The following THEMIS variants were observed in gnomAD, a reference collection of about 807,000 sequenced individuals.
THEMIS encodes the protein protein THEMIS.
In THEMIS, 37 loss-of-function variants were observed where a neutral mutation model predicts 52.6. The ratio of observed to expected loss-of-function variants is 0.70; its 90% CI spans 0.54 to 0.93. THEMIS has a LOEUF of 0.93. Ranked by LOEUF, THEMIS falls within the 40% of genes least tolerant of loss-of-function variation. THEMIS has a pLI of 0.00. For missense variants in THEMIS, 808 were observed against 763.1 expected, an observed-to-expected ratio of 1.06 and a Z score of -0.69; for synonymous variants, 292 against 272.7, an observed-to-expected ratio of 1.07 and a Z score of -0.70.
chr6:127,759,840 C>T (rs986430924), intron 4 of THEMIS, among the ~76,000 whole-genome samples: 2 of 121,156 alleles, frequency 1.7e-5, no homozygotes, highest in Admixed American at 1.6e-4. Context: ...CCCTCCCTCC[C>T]TCCCTCCCTC....
chr6:127,815,035 C>T (rs575918184), intron 3 of THEMIS, among the ~76,000 whole-genome samples: 19 of 152,150 alleles, frequency 1.2e-4, no homozygotes, highest in Non-Finnish European at 2.4e-4. Flanking sequence ...TGGCATGTCC[C>T]AGCTACTCAG....
intron 4 of THEMIS, among the ~76,000 whole-genome samples, chr6:127,750,267 C>G (rs1775592161): frequency 6.6e-6 from 1 of 151,008 alleles, no homozygotes; most frequent in South Asian, 2.1e-4. Context: ...TTGAGTGCAA[C>G]AAAAAACAAG....
chr6:127,820,246 C>G (rs1046860575), intron 3 of THEMIS, among the ~76,000 whole-genome samples: 4 of 151,862 alleles, frequency 2.6e-5, no homozygotes, highest in African/African-American at 9.7e-5. Context: ...GGAAAAATAG[C>G]ATATTTAATT....
intron 2 of THEMIS, among the ~76,000 whole-genome samples, chr6:127,848,855 T>G (rs2114259551): frequency 6.6e-6 from 1 of 152,282 alleles, no homozygotes; most frequent in East Asian, 1.9e-4. Flanking sequence ...ATTGCAAAAA[T>G]TTCCTCCCAT....
chr6:127,819,975 C>T (rs890930320), intron 3 of THEMIS, among the ~76,000 whole-genome samples: 1 of 151,940 alleles, frequency 6.6e-6, no homozygotes, highest in Non-Finnish European at 1.5e-5. Flanking sequence ...TTATAGCACA[C>T]AGATAAGTGA....
intron 3 of THEMIS, among the ~76,000 whole-genome samples, chr6:127,821,081 A>G (rs1033918787): frequency 6.6e-6 from 1 of 152,000 alleles, no homozygotes; most frequent in Non-Finnish European, 1.5e-5. Context: ...AAAAACAATT[A>G]GAATCTTTTA....
intron 1 of THEMIS, among the ~76,000 whole-genome samples, chr6:127,885,801 A>T (rs1454115954): frequency 1.3e-5 from 2 of 152,140 alleles, no homozygotes; most frequent in African/African-American, 4.8e-5. Flanking sequence ...AGTTAAACAC[A>T]ACTATGCTTT....
intron 1 of THEMIS, among the ~76,000 whole-genome samples, chr6:127,915,346 A>AAAATTATGG: frequency 6.6e-6 from 1 of 152,296 alleles, no homozygotes; most frequent in East Asian, 1.9e-4. Context: ...CTAAAATTGG[A>AAAATTATGG]GCTTCCAACC....
downstream of THEMIS, among the ~76,000 whole-genome samples, chr6:127,706,772 A>C (rs1199761536): frequency 6.6e-6 from 1 of 152,130 alleles, no homozygotes; most frequent in Non-Finnish European, 1.5e-5. Flanking sequence ...ATGTGGATAA[A>C]GCCTAAAGGA....
At chr6:127,781,798 C>G (rs1776752853) in intron 4 of THEMIS, among the ~76,000 whole-genome samples, 2 of 152,108 alleles carry the variant, frequency 1.3e-5, no homozygotes, top group Admixed American at 6.5e-5. Context: ...AGCCAGATTC[C>G]AGCTGGAGCT....
At chr6:127,756,614 A>C (rs1204267131) in intron 4 of THEMIS, among the ~76,000 whole-genome samples, 1 of 152,320 alleles carries the variant, frequency 6.6e-6, no homozygotes, top group East Asian at 1.9e-4. Flanking sequence ...GCTACTGTAC[A>C]TAGCTGAAGA....
chr6:127,794,644 ATC>A (rs1320380517), intron 4 of THEMIS, among the ~76,000 whole-genome samples: 4 of 152,118 alleles, frequency 2.6e-5, no homozygotes, highest in African/African-American at 9.7e-5. Flanking sequence ...TGTGTTTATT[ATC>A]TCTTTCCTCT....
At chr6:127,899,155 T>C (rs1448098529) in intron 1 of THEMIS, among the ~76,000 whole-genome samples, 1 of 151,880 alleles carries the variant, frequency 6.6e-6, no homozygotes, top group Admixed American at 6.6e-5. Context: ...GGTAAAAGTT[T>C]GAGGCAATGA....
intron 4 of THEMIS, among the ~76,000 whole-genome samples, chr6:127,753,962 T>G (rs1775733679): frequency 6.6e-6 from 1 of 152,030 alleles, no homozygotes; most frequent in Non-Finnish European, 1.5e-5. Context: ...AGAAGAAACT[T>G]TGGGAAGTGA....
rs142123167 is a variant in THEMIS, at chr6:127,819,118, T to TA, written c.710-5188dup. ...CTGGGTGAAAGAGTGAGACTCTGTC[T>TA]AAAAAAAAAAAAAAAAAAAAAAAAA... On this transcript the variant is annotated intron_variant, in intron 3 of 5. Coordinates refer to ENST00000368248, the MANE Select transcript of THEMIS (RefSeq NM_001010923.3). 4.1e-3 allele frequency among the ~76,000 whole-genome samples: 79 copies of TA among 19,470 alleles called. 1 individual carries two copies. Among genetic ancestry groups the TA allele is most frequent in the African/African-American group, 9.0e-3 (45 of 5,008 alleles). 12.8% of individuals were successfully genotyped at this position (19,470 alleles called of 152,430 possible). A position where few individuals can be genotyped will look rare whatever the true frequency, so the allele number is the denominator to read the frequency against.
intron 3 of THEMIS, among the ~76,000 whole-genome samples, chr6:127,826,742 G>C (rs1257962986): frequency 6.6e-6 from 1 of 152,060 alleles, no homozygotes; most frequent in Non-Finnish European, 1.5e-5. Context: ...GTCTTCCTGA[G>C]AAAGGCACAA....
In THEMIS at chr6:127,812,952, T is replaced by A; in HGVS notation, c.1689A>T (p.Val563=). The part of the protein sequence containing the change: ...PPPRPPKHPS[V]EETKLTLLTL... ...TTAGCAGGGTTAACTTTGTTTCCTC[T>A]ACTGAGGGGTGTTTCGGAGGGCGAG... Residue 563 remains valine, a synonymous_variant, in exon 4 of 6, where the codon GTA becomes GTT. Transcript: ENST00000368248. The A allele has an allele frequency of 6.2e-7, 1 of 1,614,062 alleles. No homozygotes were observed. The highest frequency in any genetic ancestry group is 8.5e-7 in the Non-Finnish European group (1 of 1,179,980).
chr6:127,723,022 C>G (rs1774416354), intron 4 of THEMIS, among the ~76,000 whole-genome samples: 1 of 151,964 alleles, frequency 6.6e-6, no homozygotes, highest in Non-Finnish European at 1.5e-5. Flanking sequence ...TTTCCACCTC[C>G]AATATTAAGT....
chr6:127,703,642 T>G (rs1343798030), downstream of THEMIS, among the ~76,000 whole-genome samples: 2 of 152,188 alleles, frequency 1.3e-5, no homozygotes, highest in Admixed American at 6.5e-5. Context: ...AGGGTATGTA[T>G]CTAGCTCTCA....
Sources: allele counts gnomAD v4.1 joint callset (sites outside exome capture counted in the v4.1 genomes callset), GRCh38; gene constraint gnomAD v4.1.1; transcripts MANE v1.5; gene names NCBI Gene and HGNC (gene_info 2026-07-23, HGNC 2026-07-21).